Variants in ERBIN observed in about 807,000 individuals in gnomAD.
ERBIN encodes erbb2 interacting protein, also known as densin-180-like protein.
ERBIN carries 60 observed loss-of-function variants against 158.4 expected under a neutral mutation model. That is an observed-to-expected ratio of 0.38 (90% confidence interval 0.31 to 0.47). The LOEUF is 0.47. Ranked by LOEUF, ERBIN falls within the 20% of genes least tolerant of loss-of-function variation. The probability of loss-of-function intolerance (pLI) is 0.99; values close to 1 mark genes in which losing one functional copy is unlikely to be tolerated. For missense variants in ERBIN, 1,610 were observed against 1,648.0 expected, an observed-to-expected ratio of 0.98 and a Z score of 0.40; for synonymous variants, 594 against 557.2, an observed-to-expected ratio of 1.07 and a Z score of -0.93.
chr5:65,964,585 A>G (rs1287278258), intron 1 of ERBIN, among the ~76,000 whole-genome samples: 2 of 152,324 alleles, frequency 1.3e-5, no homozygotes, highest in East Asian at 1.9e-4. Context: ...ACTTGCAACA[A>G]ACATGGGCTG....
At chr5:65,937,839 G>A (rs540267411) in intron 1 of ERBIN, among the ~76,000 whole-genome samples, 2 of 152,288 alleles carry the variant, frequency 1.3e-5, no homozygotes, top group African/African-American at 4.8e-5. Context: ...AACCCGGGAG[G>A]CGGAGCTTGT....
intron 4 of ERBIN, among the ~76,000 whole-genome samples, chr5:65,997,027 C>G (rs947691689): frequency 6.6e-6 from 1 of 151,944 alleles, no homozygotes; most frequent in South Asian, 2.1e-4. Flanking sequence ...TGGTTGGAGT[C>G]TTTAGGGTTT....
chr5:66,023,415 C>T (rs1755904224), intron 9 of ERBIN, 51 bp downstream of exon 9: 17 of 1,213,472 alleles, frequency 1.4e-5, no homozygotes, highest in Non-Finnish European at 2.0e-5. Context: ...CTCTCCTTTG[C>T]AGTTTTGTGA....
chr5:66,070,534 T>G (rs1441265085), intron 21 of ERBIN, among the ~76,000 whole-genome samples: 1 of 152,206 alleles, frequency 6.6e-6, no homozygotes, highest in Non-Finnish European at 1.5e-5. Context: ...TTTTTTAATT[T>G]GGAGCCTTTG....
At position 65,940,570 on chromosome 5, in the gene ERBIN, G is replaced by GGGAAGTGAGGAGCC. The variant is rs1561271000; in HGVS notation, c.-58+13764_-58+13765insGGAAGTGAGGAGCC. On this transcript the variant is annotated intron_variant, in intron 1 of 25. Transcript: ENST00000284037. Reference sequence around the variant, plus strand: ...CCGCCCCGTCCGGGAGGTGAGGGGCGCCTCTGCCCGGCCGCCCCTACTGGG... The same window carrying GGGAAGTGAGGAGCC: ...CCGCCCCGTCCGGGAGGTGAGGGGCGGGAAGTGAGGAGCCCCTCTGCCCGGCCGCCCCTACTGGG... Among the ~76,000 whole-genome samples the GGGAAGTGAGGAGCC allele has an allele frequency of 1.3e-3, 167 of 127,468 alleles. 9 individuals carry two copies. Among genetic ancestry groups the GGGAAGTGAGGAGCC allele is most frequent in the African/African-American group, 5.0e-3 (142 of 28,566 alleles). The allele number at this position is 127,468 out of a possible 152,430, so 83.6% of individuals were successfully genotyped here.
chr5:65,975,402 T>C (rs972474310), intron 1 of ERBIN, among the ~76,000 whole-genome samples: 21 of 152,146 alleles, frequency 1.4e-4, no homozygotes, highest in Admixed American at 3.9e-4. Context: ...GCCTCCCAGG[T>C]TCAAGCGATT....
At chr5:65,962,020 T>C (rs972281724) in intron 1 of ERBIN, among the ~76,000 whole-genome samples, 1 of 152,240 alleles carries the variant, frequency 6.6e-6, no homozygotes, top group Non-Finnish European at 1.5e-5. Context: ...TTTAAGTTAA[T>C]ATCTGAAAGA....
At chr5:66,001,632 T>C (rs573783803) in intron 4 of ERBIN, among the ~76,000 whole-genome samples, 1 of 152,330 alleles carries the variant, frequency 6.6e-6, no homozygotes, top group East Asian at 1.9e-4. Context: ...TGGATCAGTC[T>C]AGGAAGTATA....
intron 21 of ERBIN, among the ~76,000 whole-genome samples, chr5:66,058,397 G>A (rs892367245): frequency 6.6e-5 from 10 of 151,984 alleles, no homozygotes; most frequent in African/African-American, 2.2e-4. Context: ...TTTTTTTCTT[G>A]TAAATTTGTT....
At chr5:65,986,807 A>G (rs903047045) in intron 1 of ERBIN, among the ~76,000 whole-genome samples, 1 of 152,220 alleles carries the variant, frequency 6.6e-6, no homozygotes, top group East Asian at 1.9e-4. Context: ...TAAAGCAAAT[A>G]AGGGAATTAG....
chr5:65,954,660 ATTAT>A (rs1472655879), intron 1 of ERBIN, among the ~76,000 whole-genome samples: 5 of 152,052 alleles, frequency 3.3e-5, no homozygotes, highest in African/African-American at 4.8e-5. Flanking sequence ...TACAAATGTG[ATTAT>A]TTATTGAGGT....
intron 1 of ERBIN, among the ~76,000 whole-genome samples, chr5:65,954,596 C>T (rs1746876220): frequency 6.6e-6 from 1 of 151,996 alleles, no homozygotes; most frequent in Admixed American, 6.6e-5. Context: ...CATGCTGTTT[C>T]TTTTTTGTTA....
intron 1 of ERBIN, among the ~76,000 whole-genome samples, chr5:65,964,692 C>G (rs1220369879): frequency 6.6e-6 from 1 of 150,906 alleles, no homozygotes; most frequent in African/African-American, 2.4e-5. Flanking sequence ...GACATTTGCA[C>G]TAATCTTGCC....
At chr5:66,022,672 C>T (rs1427418886) in intron 8 of ERBIN, among the ~76,000 whole-genome samples, 2 of 152,164 alleles carry the variant, frequency 1.3e-5, no homozygotes, top group Non-Finnish European at 2.9e-5. Context: ...TGCCACAACA[C>T]TTGGATTAAT....
At chr5:66,060,468 T>C (rs1760151832) in intron 21 of ERBIN, among the ~76,000 whole-genome samples, 1 of 152,212 alleles carries the variant, frequency 6.6e-6, no homozygotes, top group Admixed American at 6.5e-5. Context: ...CTATCAATTC[T>C]GTTGATCCTT....
rs1761876020 is a variant in ERBIN at position 66,075,207 on chromosome 5, G to C, written c.3940G>C (p.Gly1314Arg). The C allele has an allele frequency of 6.2e-7, 1 of 1,614,052 alleles. No homozygotes were observed. Among genetic ancestry groups the C allele is most frequent in the Non-Finnish European group, 8.5e-7 (1 of 1,179,990 alleles). Reference sequence around the variant, plus strand: ...ACAGCCCCATTGTTCTCCTAGACAAGGCCATGAACTGGCAAAACAAGAGGT... The same window carrying C: ...ACAGCCCCATTGTTCTCCTAGACAACGCCATGAACTGGCAAAACAAGAGGT... Reference protein sequence around the residue: ...YTQPHCSPRQGHELAKQEIRV... With the variant: ...YTQPHCSPRQRHELAKQEIRV... The change falls in exon 23 of 26, where the codon GGC (glycine) becomes CGC (arginine). Residue 1314 changes from glycine (G) to arginine (R), a missense_variant. By Grantham distance (125) the Gly-to-Arg change is moderately radical (BLOSUM62 -2). This residue lies in a region of ERBIN where 1,014 missense variants were observed against 936.1 expected (regional missense o/e 1.08). Transcript: ENST00000284037.
Position 66,054,851 on chromosome 5 carries a change from G to C in ERBIN, c.3533G>C (p.Gly1178Ala), listed in dbSNP as rs780340806. ...TCAAAAAGACCAAATGCAAGGGTTG[G>C]TTCTGAGCATTCTTTATTAGATCCT... ...SPSKRPNARV[G>A]SEHSLLDPPG... is the part of the protein sequence containing the mutation. The change falls in exon 21 of 26, where the codon GGT (glycine) becomes GCT (alanine). Residue 1178 changes from glycine to alanine, a missense_variant. By Grantham distance (60) the Gly-to-Ala change is moderately conservative (BLOSUM62 0). Coordinates refer to ENST00000284037, the MANE Select transcript of ERBIN (RefSeq NM_001253697.2). 3 of 1,614,094 alleles carry C rather than the reference G, an allele frequency of 1.9e-6. No individual in the cohort carries two copies. The highest frequency in any genetic ancestry group is 2.5e-6 in the Non-Finnish European group (3 of 1,179,998).
intron 1 of ERBIN, among the ~76,000 whole-genome samples, chr5:65,972,518 A>G (rs1749381924): frequency 6.6e-6 from 1 of 151,522 alleles, no homozygotes; most frequent in Non-Finnish European, 1.5e-5. Context: ...AAAAATTTAA[A>G]GAATATTTGT....
chr5:66,076,650 T>C, intron 24 of ERBIN: 1 of 599,476 alleles, frequency 1.7e-6, no homozygotes, highest in Non-Finnish European at 2.9e-6. Flanking sequence ...TATTGCTTTT[T>C]CACACACCTA....
Sources: gnomAD v4.1 joint callset for allele counts (sites outside exome capture counted in the v4.1 genomes callset) on GRCh38, gnomAD v4.1.1 for gene constraint, gnomAD v4.1.1 regional missense constraint, MANE v1.5 for transcripts, NCBI Gene and HGNC (gene_info 2026-07-23, HGNC 2026-07-21) for gene names.